GAB1: variants seen among roughly 807,000 people sequenced by gnomAD.
GAB1 encodes the protein GRB2-associated-binding protein 1.
Under a neutral mutation model 66.5 loss-of-function variants are expected in GAB1, and 19 were observed. The observed-to-expected ratio is 0.29, with a 90% CI of 0.20 to 0.42. The LOEUF is 0.42. GAB1 is among the 10% of genes least tolerant of loss of function. GAB1 has a pLI of 1.00. For missense variants in GAB1, 732 were observed against 858.5 expected, an observed-to-expected ratio of 0.85 and a Z score of 1.84; for synonymous variants, 294 against 301.4, an observed-to-expected ratio of 0.98 and a Z score of 0.25.
At chr4:143,398,182 T>C (rs1471754017) in intron 1 of GAB1, among the ~76,000 whole-genome samples, 2 of 152,258 alleles carry the variant, frequency 1.3e-5, no homozygotes, top group Admixed American at 1.3e-4. Flanking sequence ...ACATGTAAGA[T>C]GTAGTCATGA....
At chr4:143,436,534 T>G (rs1215551849) in intron 3 of GAB1, among the ~76,000 whole-genome samples, 1 of 152,130 alleles carries the variant, frequency 6.6e-6, no homozygotes, top group African/African-American at 2.4e-5. Context: ...GTCATGTAGA[T>G]CTCAGCAGGG....
chr4:143,373,044 A>AACACACAC (rs36205621), intron 1 of GAB1, among the ~76,000 whole-genome samples: 1,953 of 148,236 alleles, frequency 0.013, 28 homozygotes, highest in African/African-American at 0.039. Context: ...TTCCTTTAAA[A>AACACACAC]ACACACACAC....
chr4:143,359,128 G>T (rs146951946), intron 1 of GAB1, among the ~76,000 whole-genome samples: 1 of 152,302 alleles, frequency 6.6e-6, no homozygotes, highest in Non-Finnish European at 1.5e-5. Context: ...CTTAAGGAGT[G>T]ATGTCGTAAA....
chr4:143,410,986 C>T (rs144407172), intron 1 of GAB1, among the ~76,000 whole-genome samples: 85 of 152,270 alleles, frequency 5.6e-4, no homozygotes, highest in African/African-American at 1.7e-3. Flanking sequence ...AGAGCCAACT[C>T]GGATGGTGCC....
chr4:143,392,948 T>C (rs889241370), intron 1 of GAB1, among the ~76,000 whole-genome samples: 5 of 152,144 alleles, frequency 3.3e-5, no homozygotes, highest in Non-Finnish European at 7.4e-5. Context: ...TAGCAGTACC[T>C]TTTTCATGTC....
chr4:143,427,406 C>T (rs142759606), intron 2 of GAB1, among the ~76,000 whole-genome samples: 144 of 151,896 alleles, frequency 9.5e-4, no homozygotes, highest in South Asian at 3.1e-3. Flanking sequence ...GGCCTGAAGG[C>T]GAGAATAGAC....
At chr4:143,408,681 C>T (rs1458657127) in intron 1 of GAB1, among the ~76,000 whole-genome samples, 2 of 152,110 alleles carry the variant, frequency 1.3e-5, no homozygotes, top group African/African-American at 4.8e-5. Context: ...TAGATTACAA[C>T]CTATCTTATC....
Position 143,337,140 on chromosome 4 carries a change from C to T in GAB1, c.-49C>T, listed in dbSNP as rs768402774. On this transcript the variant is annotated 5_prime_UTR_variant, in exon 1 of 10. Coordinates refer to ENST00000262994, the MANE Select transcript of GAB1 (RefSeq NM_002039.4). ...GCAGGCGTCGGCTGTGTCGGGAGCG[C>T]GCCCGCCGCCCCTCAGCTGCCCGGC... 2 of 1,518,882 alleles carry T rather than the reference C, an allele frequency of 1.3e-6. No homozygotes were observed. The highest frequency in any genetic ancestry group is 1.8e-6 in the Non-Finnish European group (2 of 1,120,860). 94.1% of individuals were successfully genotyped at this position (1,518,882 alleles called of 1,614,324 possible). A position where few individuals can be genotyped will look rare whatever the true frequency, so the allele number is the denominator to read the frequency against.
Position 143,437,981 on chromosome 4 carries a change from T to A in GAB1, c.594-18T>A, listed in dbSNP as rs1423222861. The A allele has an allele frequency of 1.9e-6, 3 of 1,597,092 alleles. No individual in the cohort carries two copies. The highest frequency in any genetic ancestry group is 2.7e-5 in the African/African-American group (2 of 74,262). ...AGTCTCCACCTTGTTTATTCTGTCATTAACAATTTTTATTTAGAACGCATG... is the reference window on the plus strand; with the variant it reads ...AGTCTCCACCTTGTTTATTCTGTCAATAACAATTTTTATTTAGAACGCATG... On this transcript the variant is annotated intron_variant, in intron 3 of 9. Coordinates refer to ENST00000262994, the MANE Select transcript of GAB1 (RefSeq NM_002039.4).
Position 143,466,235 on chromosome 4 carries a change from A to G in GAB1, c.1926+10A>G, listed in dbSNP as rs747944827. On this transcript the variant is annotated intron_variant, in intron 9 of 9. Transcript: ENST00000262994. ...CACACCACCACGTAAGGTGAGTGAC[A>G]TGTGACATGTCTCTTCTTTGTATAC... 4 of 1,612,588 alleles carry G rather than the reference A, an allele frequency of 2.5e-6. No homozygotes were observed. The African/African-American group carries it at 5.3e-5, about 22-fold the overall frequency.
At chr4:143,373,997 T>C (rs979309719) in intron 1 of GAB1, among the ~76,000 whole-genome samples, 5 of 151,582 alleles carry the variant, frequency 3.3e-5, no homozygotes, top group Non-Finnish European at 7.4e-5. Context: ...GCAAGCTCCA[T>C]GTAAGACTAC....
At chr4:143,364,046 G>C (rs1484755907) in intron 1 of GAB1, among the ~76,000 whole-genome samples, 1 of 152,034 alleles carries the variant, frequency 6.6e-6, no homozygotes, top group Non-Finnish European at 1.5e-5. Context: ...AAATTAGCCG[G>C]GCATGGTGGC....
At chr4:143,383,737 A>C (rs1291203070) in intron 1 of GAB1, among the ~76,000 whole-genome samples, 2 of 152,156 alleles carry the variant, frequency 1.3e-5, no homozygotes, top group Non-Finnish European at 2.9e-5. Flanking sequence ...AAATATCTGC[A>C]TAGTTTTGTA....
chr4:143,421,427 A>G (rs11933278), intron 2 of GAB1, among the ~76,000 whole-genome samples: 18,801 of 152,082 alleles, frequency 0.12, 2,779 homozygotes, highest in African/African-American at 0.36. Flanking sequence ...GAGTATAATA[A>G]CTGTGTTACA....
intron 1 of GAB1, among the ~76,000 whole-genome samples, chr4:143,371,360 T>C (rs1226335643): frequency 4.6e-5 from 7 of 152,246 alleles, no homozygotes; most frequent in African/African-American, 1.7e-4. Context: ...TTGAGAAGTG[T>C]CTGTTCATAT....
intron 1 of GAB1, chr4:143,350,180 CTCCTAAATGTA>C: frequency 1.5e-6 from 1 of 663,106 alleles, no homozygotes; most frequent in East Asian, 2.7e-5. Context: ...TTTTTGTGTG[CTCCTAAATGTA>C]TCATGGGCCC....
In GAB1 at chr4:143,459,546, T is replaced by C. The variant is rs1735375509; in HGVS notation, c.1679+68T>C. On this transcript the variant is annotated intron_variant, in intron 7 of 9. Transcript: ENST00000262994. ...GACTATCTAGAATTGTTCATTATCA[T>C]GGAAAATATCTGGAATAGTGGTTCT... The C allele has an allele frequency of 3.2e-6, 3 of 936,186 alleles. No homozygotes were observed. In the South Asian group the frequency reaches 4.1e-5, roughly 13 times the overall value. 58.0% of individuals were successfully genotyped at this position (936,186 alleles called of 1,614,324 possible).
intron 3 of GAB1, chr4:143,434,213 A>T: frequency 1.0e-6 from 1 of 983,302 alleles, no homozygotes. Context: ...GAAATTAATC[A>T]TAAGGTAAAA....
chr4:143,390,503 A>G (rs1453648602), intron 1 of GAB1, among the ~76,000 whole-genome samples: 1 of 151,614 alleles, frequency 6.6e-6, no homozygotes, highest in East Asian at 1.9e-4. Flanking sequence ...TATTTTACCA[A>G]CCTCACTACT....
Sources: allele counts gnomAD v4.1 joint callset (sites outside exome capture counted in the v4.1 genomes callset), GRCh38; gene constraint gnomAD v4.1.1; transcripts MANE v1.5; gene names NCBI Gene and HGNC (gene_info 2026-07-23, HGNC 2026-07-21).